The following USP36 variants were observed in gnomAD, a reference collection of about 807,000 sequenced individuals.
USP36 encodes ubiquitin carboxyl-terminal hydrolase 36.
A neutral mutation model predicts 111.5 loss-of-function variants in USP36; 59 were observed. The observed-to-expected ratio is 0.53, with a 90% CI of 0.43 to 0.66. USP36 has a LOEUF of 0.66. USP36 is among the 30% of genes least tolerant of loss of function. The probability of loss-of-function intolerance (pLI) is 0.00; values close to 1 mark genes in which losing one functional copy is unlikely to be tolerated. For missense variants in USP36, 1,488 were observed against 1,468.0 expected (o/e 1.01, Z -0.22); for synonymous variants, 628 against 581.0 (o/e 1.08, Z -1.16).
intron 5 of USP36, among the ~76,000 whole-genome samples, chr17:78,828,069 C>T (rs953947244): frequency 4.6e-5 from 7 of 151,952 alleles, no homozygotes; most frequent in Non-Finnish European, 7.4e-5. Flanking sequence ...ACAAACAATA[C>T]AAAAACAGTC....
intron 12 of USP36, 75 bp from the exon 13 acceptor site, chr17:78,813,076 A>T (rs2094106272): frequency 7.0e-6 from 11 of 1,582,442 alleles, no homozygotes; most frequent in Non-Finnish European, 9.5e-6. Context: ...GAATAAGTTA[A>T]GGCGGGGCAA....
rs369673478 is a variant in USP36, at chr17:78,810,382, G to A, written c.1407+2478C>T. 2.6e-3 allele frequency among the ~76,000 whole-genome samples: 394 copies of A among 152,010 alleles called. 1 individual carries two copies. Among genetic ancestry groups the A allele is most frequent in the African/African-American group, 8.3e-3 (342 of 41,452 alleles). ...GACTCACTCCAGCCTTAATCTCCCTGGCTCAAGTGATCCTCCCACCTCAGC... is the reference window on the plus strand; with the variant it reads ...GACTCACTCCAGCCTTAATCTCCCTAGCTCAAGTGATCCTCCCACCTCAGC... On this transcript the variant is annotated intron_variant, in intron 13 of 20. Coordinates refer to ENST00000449938, the MANE Select transcript of USP36 (RefSeq NM_001385174.1).
chr17:78,815,267 G>A (rs576010076), intron 10 of USP36, among the ~76,000 whole-genome samples: 1 of 152,198 alleles, frequency 6.6e-6, no homozygotes, highest in East Asian at 1.9e-4. Context: ...AGGAGGTGGA[G>A]GTTACAGTGA....
intron 10 of USP36, among the ~76,000 whole-genome samples, chr17:78,816,541 G>A (rs886714744): frequency 3.3e-5 from 5 of 151,810 alleles, no homozygotes; most frequent in Non-Finnish European, 5.9e-5. Context: ...CAGGAGAATC[G>A]CTTGAACTTG....
intron 2 of USP36, 129 bp downstream of exon 2, chr17:78,838,453 CTGATT>C (rs2068920115): frequency 6.6e-6 from 1 of 151,688 alleles, no homozygotes; most frequent in South Asian, 2.1e-4. Flanking sequence ...TATAAGTTGT[CTGATT>C]TGAGAAAATA....
In USP36 at chr17:78,806,260, G is replaced by A. The variant is rs758375273; in HGVS notation, c.2112C>T (p.Gly704=). 6.2e-7 allele frequency: 1 copy of A among 1,613,856 alleles called. No individual in the cohort carries two copies. Among genetic ancestry groups the A allele is most frequent in the South Asian group, 1.1e-5 (1 of 91,056 alleles). The change falls in exon 15 of 21, where the codon GGC becomes GGT. Residue 704 remains glycine, a synonymous_variant. Coordinates refer to ENST00000449938, the MANE Select transcript of USP36 (RefSeq NM_001385174.1). Reference sequence around the variant, plus strand: ...AGGGGGGAGGTGGACGGAGGTCATTGCCGGTCGCCCTCCACAGGGTGCTGG... The same window carrying A: ...AGGGGGGAGGTGGACGGAGGTCATTACCGGTCGCCCTCCACAGGGTGCTGG... The part of the protein sequence containing the change: ...KKASTLWRAT[G]NDLRPPPPSP...
Position 78,803,264 on chromosome 17 carries a change from A to G in USP36, c.2810+121T>C. 1.8e-6 allele frequency: 2 copies of G among 1,127,394 alleles called. 1 individual carries two copies. Among genetic ancestry groups the G allele is most frequent in the South Asian group, 3.1e-5 (2 of 65,416 alleles). 69.8% of individuals were successfully genotyped at this position (1,127,394 alleles called of 1,614,324 possible). A position where few individuals can be genotyped will look rare whatever the true frequency, so the allele number is the denominator to read the frequency against. On this transcript the variant is annotated intron_variant, in intron 16 of 20. Coordinates refer to ENST00000449938, the MANE Select transcript of USP36 (RefSeq NM_001385174.1). The surrounding 1 kb of genome is among the most constrained non-coding windows in gnomAD (Gnocchi z 4.6). The stretch of plus-strand genomic sequence containing the variant: ...AGGAGACATCTGATCACAAATCCAC[A>G]TTTTAGAAAACCACGCAAGCAGACT...
intron 13 of USP36, 90 bp from the exon 14 acceptor site, chr17:78,807,726 C>T (rs1336919081): frequency 4.7e-6 from 6 of 1,277,654 alleles, no homozygotes; most frequent in Non-Finnish European, 6.4e-6. Flanking sequence ...ATCTTAGTAG[C>T]AGGCATGGCC....
intron 1 of USP36, among the ~76,000 whole-genome samples, chr17:78,839,823 C>T (rs1296364037): frequency 2.0e-5 from 3 of 152,234 alleles, no homozygotes; most frequent in Non-Finnish European, 4.4e-5. Flanking sequence ...CACACACCAT[C>T]CACACTCTAC....
intron 11 of USP36, 83 bp from the exon 12 acceptor site, chr17:78,813,956 A>G: frequency 1.7e-6 from 2 of 1,180,178 alleles, no homozygotes; most frequent in East Asian, 2.5e-5. Context: ...GGAATAAAAA[A>G]TCTGTTAGTT....
rs182847424 is a variant in USP36 at position 78,804,919 on chromosome 17, A to G, written c.2217-941T>C. On this transcript the variant is annotated intron_variant, in intron 15 of 20. Coordinates refer to ENST00000449938, the MANE Select transcript of USP36 (RefSeq NM_001385174.1). Reference sequence around the variant, plus strand: ...TCAGGGTGTTCCCGGGCAGGAAATGAGCCTCATAAGGAAAGCAAGTGTTGA... The same window carrying G: ...TCAGGGTGTTCCCGGGCAGGAAATGGGCCTCATAAGGAAAGCAAGTGTTGA... 7.0e-4 allele frequency among the ~76,000 whole-genome samples: 106 copies of G among 152,304 alleles called. 2 individuals carry two copies. The highest frequency in any genetic ancestry group is 2.4e-3 in the African/African-American group (99 of 41,566).
At chr17:78,819,543 C>A (rs551425468) in intron 9 of USP36, among the ~76,000 whole-genome samples, 3 of 152,330 alleles carry the variant, frequency 2.0e-5, no homozygotes, top group Admixed American at 1.3e-4. Context: ...GGGCACAGTC[C>A]CTGGGGCGGC....
At chr17:78,815,441 G>C (rs2094156063) in intron 10 of USP36, among the ~76,000 whole-genome samples, 1 of 152,208 alleles carries the variant, frequency 6.6e-6, no homozygotes, top group South Asian at 2.1e-4. Flanking sequence ...TGCAGGATCT[G>C]TTCTTGTCTT....
At chr17:78,836,740 G>A (rs2068711353) in intron 2 of USP36, among the ~76,000 whole-genome samples, 1 of 151,930 alleles carries the variant, frequency 6.6e-6, no homozygotes, top group Non-Finnish European at 1.5e-5. Flanking sequence ...TGGTCCAAAT[G>A]TCTGCTCCAA....
At chr17:78,804,144 T>C (rs1302138042) in intron 15 of USP36, among the ~76,000 whole-genome samples, 166 bp from the exon 16 acceptor site, 3 of 152,202 alleles carry the variant, frequency 2.0e-5, no homozygotes, top group Admixed American at 6.5e-5. Context: ...GAAAGAAAGC[T>C]AACAATTAAT....
chr17:78,827,967 T>A (rs1449908281), intron 5 of USP36, among the ~76,000 whole-genome samples: 2 of 152,148 alleles, frequency 1.3e-5, no homozygotes, highest in African/African-American at 4.8e-5. Flanking sequence ...CTTATGCCTG[T>A]AATCCCAACA....
At position 78,813,014 on chromosome 17, in the gene USP36, G is replaced by A. The variant is rs747970888; in HGVS notation, c.1266-13C>T. 6.2e-7 allele frequency: 1 copy of A among 1,613,758 alleles called. No homozygotes were observed. Among genetic ancestry groups the A allele is most frequent in the Non-Finnish European group, 8.5e-7 (1 of 1,179,850 alleles). Reference sequence around the variant, plus strand: ...AGAGCCTGGAATTCTGTCAAAGGAAGAAAACAAGTAGGGAATTCTCTTACT... The same window carrying A: ...AGAGCCTGGAATTCTGTCAAAGGAAAAAAACAAGTAGGGAATTCTCTTACT... On this transcript the variant is annotated splice_polypyrimidine_tract_variant and intron_variant, in intron 12 of 20. Transcript: ENST00000449938.
At chr17:78,800,772 T>C (rs8079153) in intron 17 of USP36, among the ~76,000 whole-genome samples, 85,467 of 152,006 alleles carry the variant, frequency 0.56, 24,067 homozygotes, top group East Asian at 0.61. Flanking sequence ...TTGCTGAGCA[T>C]GAGCCCTTAC....
intron 4 of USP36, among the ~76,000 whole-genome samples, chr17:78,832,174 T>C (rs1308517563): frequency 5.3e-5 from 8 of 152,222 alleles, no homozygotes; most frequent in Non-Finnish European, 1.2e-4. Context: ...GCGTTCCTCC[T>C]AGACTATTTA....
Sources: gnomAD v4.1 joint callset for allele counts (sites outside exome capture counted in the v4.1 genomes callset) on GRCh38, gnomAD v4.1.1 for gene constraint, Gnocchi (gnomAD v3.1) non-coding constraint, MANE v1.5 for transcripts, NCBI Gene and HGNC (gene_info 2026-07-23, HGNC 2026-07-21) for gene names.